COL23A1: variants seen among roughly 807,000 people sequenced by gnomAD.
The protein encoded by COL23A1 is collagen alpha-1(XXIII) chain.
COL23A1 carries 97 observed loss-of-function variants against 99.3 expected under a neutral mutation model. The observed-to-expected ratio is 0.98, with a 90% CI of 0.83 to 1.16. COL23A1 has a LOEUF of 1.16. Among genes scored for constraint, COL23A1 ranks in the 50% most tolerant of loss-of-function variants. COL23A1 has a pLI of 0.00. For missense variants in COL23A1, 762 were observed against 757.4 expected (o/e 1.01, Z -0.07); for synonymous variants, 320 against 308.2 (o/e 1.04, Z -0.40).
Position 178,536,364 on chromosome 5 carries a change from G to A in COL23A1, c.361+24318C>T, listed in dbSNP as rs141732147. ...GGGCTTAGAGAGCCTCTCACATCCC[G>A]ACCACATCACCGGGAAACTCTAGCA... is the stretch of plus-strand genomic sequence containing the variant. On this transcript the variant is annotated intron_variant, in intron 2 of 28. Coordinates refer to ENST00000390654, the MANE Select transcript of COL23A1 (RefSeq NM_173465.4). 4.4e-3 allele frequency among the ~76,000 whole-genome samples: 674 copies of A among 152,332 alleles called. 7 individuals are homozygous for A. The highest frequency in any genetic ancestry group is 0.015 in the African/African-American group (630 of 41,576).
intron 2 of COL23A1, among the ~76,000 whole-genome samples, chr5:178,453,349 G>A (rs766881659): frequency 2.0e-5 from 3 of 152,170 alleles, no homozygotes; most frequent in Non-Finnish European, 2.9e-5. Flanking sequence ...GGGGTATCAT[G>A]TTCTTCCAGC....
intron 1 of COL23A1, chr5:178,562,858 C>G (rs1434159772): frequency 6.6e-6 from 1 of 152,016 alleles, no homozygotes; most frequent in Admixed American, 6.6e-5. Context: ...TTACAAACCT[C>G]TAGCTAGCTA....
At chr5:178,540,827 T>C (rs1422893038) in intron 2 of COL23A1, among the ~76,000 whole-genome samples, 1 of 152,122 alleles carries the variant, frequency 6.6e-6, no homozygotes, top group African/African-American at 2.4e-5. Context: ...CTCAGGGGGC[T>C]GAGGTGGGAG....
chr5:178,380,711 A>G (rs1763333628), intron 2 of COL23A1, among the ~76,000 whole-genome samples: 1 of 152,202 alleles, frequency 6.6e-6, no homozygotes, highest in South Asian at 2.1e-4. Flanking sequence ...GCCGGGACAG[A>G]GGCAGGGAGG....
At chr5:178,290,636 G>T (rs994544200) in intron 3 of COL23A1, among the ~76,000 whole-genome samples, 1 of 152,228 alleles carries the variant, frequency 6.6e-6, no homozygotes, top group Admixed American at 6.5e-5. Context: ...CATGTCACCA[G>T]GCAGCTTTGG....
At chr5:178,486,436 A>C (rs1757631422) in intron 2 of COL23A1, among the ~76,000 whole-genome samples, 1 of 152,224 alleles carries the variant, frequency 6.6e-6, no homozygotes, top group Admixed American at 6.5e-5. Context: ...CTCAGAGCGC[A>C]CTGCGTAATT....
At chr5:178,485,134 C>A (rs923989087) in intron 2 of COL23A1, among the ~76,000 whole-genome samples, 4 of 152,212 alleles carry the variant, frequency 2.6e-5, no homozygotes, top group African/African-American at 9.7e-5. Context: ...TTATTCCCCA[C>A]CTCATTCCAA....
At chr5:178,322,906 C>T (rs1002823433) in intron 2 of COL23A1, among the ~76,000 whole-genome samples, 3 of 152,194 alleles carry the variant, frequency 2.0e-5, no homozygotes, top group African/African-American at 7.2e-5. Context: ...GCTGTGCCCC[C>T]AGTGGGTCCA....
At chr5:178,448,240 T>C (rs11958324) in intron 2 of COL23A1, among the ~76,000 whole-genome samples, 2,691 of 4,272 alleles carry the variant, frequency 0.63, 555 homozygotes, top group African/African-American at 0.69. Flanking sequence ...GCAGTCCGTT[T>C]TGTTCTGTTA....
chr5:178,295,516 C>T (rs528253493), intron 3 of COL23A1, among the ~76,000 whole-genome samples: 6 of 152,192 alleles, frequency 3.9e-5, no homozygotes, highest in Non-Finnish European at 7.3e-5. Context: ...GGACAGTCAC[C>T]TCACACACTG....
chr5:178,515,464 A>T (rs1645740724), intron 2 of COL23A1, among the ~76,000 whole-genome samples: 1 of 152,184 alleles, frequency 6.6e-6, no homozygotes, highest in Admixed American at 6.5e-5. Context: ...TGTCAGGTCC[A>T]CAAACGCTCC....
chr5:178,433,877 T>A (rs573602772), intron 2 of COL23A1, among the ~76,000 whole-genome samples: 20 of 152,202 alleles, frequency 1.3e-4, no homozygotes. Context: ...TGAGGTCGTG[T>A]GTCCTAATCC....
chr5:178,288,265 A>G (rs1757264124), intron 5 of COL23A1, 59 bp downstream of exon 5: 5 of 1,367,300 alleles, frequency 3.7e-6, no homozygotes, highest in South Asian at 2.3e-5. Context: ...AGGCTCAGGG[A>G]AAGAATATTG....
At chr5:178,450,002 G>A (rs975060926) in intron 2 of COL23A1, among the ~76,000 whole-genome samples, 7 of 152,126 alleles carry the variant, frequency 4.6e-5, no homozygotes, top group African/African-American at 1.2e-4. Flanking sequence ...CAGATTCCAG[G>A]TGACACCTTG....
intron 5 of COL23A1, among the ~76,000 whole-genome samples, chr5:178,285,459 T>G (rs1757103373): frequency 2.0e-5 from 3 of 152,106 alleles, no homozygotes; most frequent in Admixed American, 2.0e-4. Flanking sequence ...TTCTCAAAGG[T>G]GTTTTTCTTT....
intron 2 of COL23A1, among the ~76,000 whole-genome samples, chr5:178,403,341 C>T (rs1206414637): frequency 6.6e-6 from 1 of 152,148 alleles, no homozygotes; most frequent in Non-Finnish European, 1.5e-5. Context: ...CAGACCTGAC[C>T]CAGGAGTTCT....
At chr5:178,331,148 G>A (rs1391890311) in intron 2 of COL23A1, among the ~76,000 whole-genome samples, 1 of 152,252 alleles carries the variant, frequency 6.6e-6, no homozygotes, top group Non-Finnish European at 1.5e-5. Context: ...GTTGCAAGCT[G>A]GCAGAGGCAC....
At chr5:178,574,096 T>G (rs948906627) in intron 1 of COL23A1, among the ~76,000 whole-genome samples, 1 of 152,124 alleles carries the variant, frequency 6.6e-6, no homozygotes, top group African/African-American at 2.4e-5. Context: ...TGACCTCAAG[T>G]GATCCACCCA....
At chr5:178,536,942 G>C (rs1260055394) in intron 2 of COL23A1, among the ~76,000 whole-genome samples, 1 of 152,134 alleles carries the variant, frequency 6.6e-6, no homozygotes, top group East Asian at 1.9e-4. Flanking sequence ...GCCTGCACTG[G>C]GAGCAGCCAT....
Sources: allele counts gnomAD v4.1 joint callset (sites outside exome capture counted in the v4.1 genomes callset), GRCh38; gene constraint gnomAD v4.1.1; transcripts MANE v1.5; gene names NCBI Gene and HGNC (gene_info 2026-07-23, HGNC 2026-07-21).